Variants in GNB1L observed in about 807,000 individuals in gnomAD.
GNB1L encodes the protein guanine nucleotide-binding protein subunit beta-like protein 1.
GNB1L carries 20 observed loss-of-function variants against 29.1 expected under a neutral mutation model. The ratio of observed to expected loss-of-function variants is 0.69; its 90% CI spans 0.48 to 1.00. The LOEUF (loss-of-function observed/expected upper bound fraction) is 1.00, where lower values mean the gene tolerates loss of function less well. GNB1L is among the 50% of genes least tolerant of loss of function. The pLI is 0.00. For missense variants in GNB1L, 421 were observed against 464.9 expected, an observed-to-expected ratio of 0.91 and a Z score of 0.87; for synonymous variants, 193 against 206.5, an observed-to-expected ratio of 0.93 and a Z score of 0.56.
chr22:19,798,726 A>G (rs1403244701), intron 7 of GNB1L, among the ~76,000 whole-genome samples: 1 of 152,192 alleles, frequency 6.6e-6, no homozygotes, highest in Non-Finnish European at 1.5e-5. Flanking sequence ...AAGCAGTGAC[A>G]GCATCAAGGT....
intron 4 of GNB1L, 40 bp downstream of exon 4, chr22:19,820,558 C>T: frequency 6.3e-7 from 1 of 1,591,112 alleles, no homozygotes. Flanking sequence ...TCCTGACTCC[C>T]CCGAAGGCCA....
In GNB1L at chr22:19,806,664, A is replaced by C. The variant is rs751361304; in HGVS notation, c.511T>G (p.Trp171Gly). 33 of 1,608,566 alleles carry C rather than the reference A, an allele frequency of 2.1e-5. No homozygotes were observed. The highest frequency in any genetic ancestry group is 2.3e-5 in the Non-Finnish European group (27 of 1,176,550). Residue 171 changes from tryptophan (W) to glycine (G), a missense_variant, in exon 6 of 8, where the codon TGG (tryptophan) becomes GGG (glycine). Physicochemically the swap from Trp to Gly is radical, Grantham distance 184. Coordinates refer to ENST00000329517, the MANE Select transcript of GNB1L (RefSeq NM_053004.3). ...KLGMPMCLRLWQADCSSRPLL... is the reference protein window; with the variant it reads ...KLGMPMCLRLGQADCSSRPLL... ...TGGTGCACGCGGGGCCTTACCTGCCACAGCCGCAGGCACATGGGCATGCCC... is the reference window on the plus strand; with the variant it reads ...TGGTGCACGCGGGGCCTTACCTGCCCCAGCCGCAGGCACATGGGCATGCCC...
At position 19,827,969 on chromosome 22, in the gene GNB1L, G is replaced by A. The variant is rs375222016; in HGVS notation, c.-20-6594C>T. Among the ~76,000 whole-genome samples, 15 of 152,288 alleles carry A rather than the reference G, an allele frequency of 9.8e-5. 1 individual carries two copies. The East Asian group carries it at 2.5e-3, about 25-fold the overall frequency. ...AGGAACACATTGGGTAAATTCGTACGATAGAATACTCCACAGAACTGAAAA... is the reference window on the plus strand; with the variant it reads ...AGGAACACATTGGGTAAATTCGTACAATAGAATACTCCACAGAACTGAAAA... On this transcript the variant is annotated intron_variant, in intron 2 of 7. Coordinates refer to ENST00000329517, the MANE Select transcript of GNB1L (RefSeq NM_053004.3).
chr22:19,847,571 A>G lies in GNB1L; in HGVS notation c.-21+6872T>C, dbSNP rs554693344. On this transcript the variant is annotated intron_variant, in intron 2 of 7. Transcript: ENST00000329517. ...AGCTCATGCGGGGAGGGGAGGAGGC[A>G]AGGCCAACCTCCAGTCCCTGCTCTA... The G allele has an allele frequency of 1.8e-5, 18 of 985,290 alleles. No individual in the cohort carries two copies. In the African/African-American group the frequency reaches 3.1e-4, roughly 17 times the overall value. The allele number at this position is 985,290 out of a possible 1,614,324, so 61.0% of individuals were successfully genotyped here.
intron 2 of GNB1L, chr22:19,847,051 G>C: frequency 6.1e-6 from 6 of 985,450 alleles, no homozygotes; most frequent in Non-Finnish European, 7.2e-6. Flanking sequence ...ATCAGCTGCT[G>C]CCGTCCTATG....
chr22:19,839,458 T>C (rs1348262545), intron 2 of GNB1L, among the ~76,000 whole-genome samples: 4 of 152,082 alleles, frequency 2.6e-5, no homozygotes, highest in Non-Finnish European at 4.4e-5. Context: ...AATTTAAAAA[T>C]TAGAGACAGG....
In GNB1L at chr22:19,801,680, A is replaced by G. The variant is rs1010759810; in HGVS notation, c.732+321T>C. The stretch of plus-strand genomic sequence containing the variant: ...TTTTTTTTTTTTTTTTTGATTAATC[A>G]GTTCCTTACTGACCAAATTCCTCTG... On this transcript the variant is annotated intron_variant, in intron 7 of 7. Coordinates refer to ENST00000329517, the MANE Select transcript of GNB1L (RefSeq NM_053004.3). Among the ~76,000 whole-genome samples, 7 of 143,094 alleles carry G rather than the reference A, an allele frequency of 4.9e-5. No individual in the cohort carries two copies. In the South Asian group the frequency reaches 1.1e-3, roughly 22 times the overall value. 93.9% of individuals were successfully genotyped at this position (143,094 alleles called of 152,430 possible). A position where few individuals can be genotyped will look rare whatever the true frequency, so the allele number is the denominator to read the frequency against.
At chr22:19,806,832 G>T in intron 5 of GNB1L, 75 bp from the exon 6 acceptor site, 1 of 1,079,018 alleles carries the variant, frequency 9.3e-7, no homozygotes, top group South Asian at 1.3e-5. Context: ...AGACTCTTAA[G>T]GCGATTAGCC....
rs566730094 is a variant in GNB1L, at chr22:19,796,340, C to A, written c.732+5661G>T. The stretch of plus-strand genomic sequence containing the variant: ...GGGACCATGGTGACCTGCAGGATGA[C>A]TTAAAGGGCTAAGAATCAGTGGACA... On this transcript the variant is annotated intron_variant, in intron 7 of 7. Coordinates refer to ENST00000329517, the MANE Select transcript of GNB1L (RefSeq NM_053004.3). Among the ~76,000 whole-genome samples the A allele has an allele frequency of 1.2e-3, 176 of 152,310 alleles. 1 individual carries two copies. The highest frequency in any genetic ancestry group is 3.9e-3 in the African/African-American group (163 of 41,568).
intron 2 of GNB1L, among the ~76,000 whole-genome samples, chr22:19,853,471 C>T (rs769203751): frequency 2.2e-4 from 34 of 152,180 alleles, no homozygotes; most frequent in African/African-American, 9.7e-5. Context: ...TCTCTGCAAA[C>T]GGAGGCCCAC....
Position 19,784,167 on chromosome 22 carries a change from G to A in GNB1L, c.*4542C>T, listed in dbSNP as rs1282287733. ...TAAGCATTTCTAAAGAACCCCCGGA[G>A]GGTTGTTTTTCTTTGTGCAAACACT... On this transcript the variant is annotated 3_prime_UTR_variant, in exon 8 of 8. Coordinates refer to ENST00000329517, the MANE Select transcript of GNB1L (RefSeq NM_053004.3). The A allele has an allele frequency of 6.6e-6, 1 of 152,232 alleles. No homozygotes were observed. Among genetic ancestry groups the A allele is most frequent in the Non-Finnish European group, 1.5e-5 (1 of 68,044 alleles). The allele number at this position is 152,232 out of a possible 1,614,324, so 9.4% of individuals were successfully genotyped here. A position where few individuals can be genotyped will look rare whatever the true frequency, so the allele number is the denominator to read the frequency against.
intron 2 of GNB1L, chr22:19,851,023 G>A (rs533317960): frequency 4.6e-5 from 67 of 1,441,284 alleles, no homozygotes; most frequent in Non-Finnish European, 5.7e-5. Flanking sequence ...TCAGCGCAGA[G>A]TCCAAAACAA....
chr22:19,811,573 C>T (rs1348907941), intron 5 of GNB1L, among the ~76,000 whole-genome samples: 1 of 152,170 alleles, frequency 6.6e-6, no homozygotes, highest in Non-Finnish European at 1.5e-5. Flanking sequence ...CAGACCCTGC[C>T]TCCTGTGCCA....
chr22:19,850,786 C>T, intron 2 of GNB1L: 1 of 1,275,564 alleles, frequency 7.8e-7, no homozygotes. Context: ...AGTTCAGTCC[C>T]AGCCAGTGTG....
At chr22:19,837,291 A>G (rs1450121018) in intron 2 of GNB1L, among the ~76,000 whole-genome samples, 3 of 152,228 alleles carry the variant, frequency 2.0e-5, no homozygotes, top group Admixed American at 6.5e-5. Flanking sequence ...AAGAAAATGA[A>G]AAGACAATCT....
At position 19,785,643 on chromosome 22, in the gene GNB1L, T is replaced by G. The variant is rs568949933; in HGVS notation, c.*3066A>C. ...ACCAGCCATGCTGCCAGGAGTCGCC[T>G]CTCAGGTTCATCCCAGGAGCTGCAT... On this transcript the variant is annotated 3_prime_UTR_variant, in exon 8 of 8. Coordinates refer to ENST00000329517, the MANE Select transcript of GNB1L (RefSeq NM_053004.3). This position sits in a 1 kb window ranked among gnomAD's most constrained non-coding sequence, Gnocchi z 4.1. 14 of 152,342 alleles carry G rather than the reference T, an allele frequency of 9.2e-5. No individual in the cohort carries two copies. The highest frequency in any genetic ancestry group is 3.4e-4 in the African/African-American group (14 of 41,562). 9.4% of individuals were successfully genotyped at this position (152,342 alleles called of 1,614,324 possible).
At chr22:19,806,608 A>G (rs754055680) in intron 6 of GNB1L, 51 bp downstream of exon 6, 1 of 1,125,912 alleles carries the variant, frequency 8.9e-7, no homozygotes, top group Non-Finnish European at 1.3e-6. Context: ...AGCATGACTC[A>G]TGGCCGTGGG....
At chr22:19,852,131 T>A (rs778295901) in intron 2 of GNB1L, 1 of 1,614,020 alleles carries the variant, frequency 6.2e-7, no homozygotes, top group African/African-American at 1.3e-5. Flanking sequence ...AATCCAGGGA[T>A]CCACAAGGGG....
At chr22:19,849,692 G>A in intron 2 of GNB1L, 1 of 985,300 alleles carries the variant, frequency 1.0e-6, no homozygotes, top group Non-Finnish European at 1.2e-6. Context: ...TTAATCAGAT[G>A]CTTGCTAATT....
Sources: allele counts gnomAD v4.1 joint callset (sites outside exome capture counted in the v4.1 genomes callset), GRCh38; gene constraint gnomAD v4.1.1; non-coding constraint Gnocchi (gnomAD v3.1); transcripts MANE v1.5; gene names NCBI Gene and HGNC (gene_info 2026-07-23, HGNC 2026-07-21).